The following ANAPC13 variants were observed in gnomAD, a reference collection of about 807,000 sequenced individuals.
ANAPC13 encodes anaphase promoting complex subunit 13, also known as anaphase-promoting complex subunit 13.
A neutral mutation model predicts 9.6 loss-of-function variants in ANAPC13; 9 were observed. The ratio of observed to expected loss-of-function variants is 0.94; its 90% confidence interval spans 0.57 to 1.64. The LOEUF (loss-of-function observed/expected upper bound fraction) is 1.64. ANAPC13 is among the 40% of genes most tolerant of loss of function. ANAPC13 has a pLI of 0.00. For synonymous variants in ANAPC13, 30 were observed against 29.7 expected (o/e 1.01, Z -0.03); for missense variants, 75 against 85.3 (o/e 0.88, Z 0.48).
At chr3:134,479,528 T>C (rs1934689938) in intron 2 of ANAPC13, among the ~76,000 whole-genome samples, 1 of 152,062 alleles carries the variant, frequency 6.6e-6, no homozygotes, top group Non-Finnish European at 1.5e-5. Context: ...TATTTTTTTT[T>C]AGTAGAGATG....
chr3:134,483,471 A>G (rs1461924703), intron 1 of ANAPC13, among the ~76,000 whole-genome samples: 3 of 152,166 alleles, frequency 2.0e-5, no homozygotes, highest in South Asian at 2.1e-4. Context: ...TCATACTGCT[A>G]AAGTTTCTCC....
intron 1 of ANAPC13, 83 bp from the exon 2 acceptor site, chr3:134,483,014 G>A: frequency 1.1e-6 from 1 of 924,212 alleles, no homozygotes; most frequent in Middle Eastern, 2.2e-4. Context: ...AGGCTTTTTA[G>A]TCTGGGGCCA....
At chr3:134,482,256 C>T (rs1934750086) in intron 2 of ANAPC13, among the ~76,000 whole-genome samples, 1 of 152,176 alleles carries the variant, frequency 6.6e-6, no homozygotes, top group Admixed American at 6.5e-5. Context: ...TCACTTATTA[C>T]ATGAGGTTTA....
At chr3:134,484,859 C>T (rs543250300) in intron 1 of ANAPC13, among the ~76,000 whole-genome samples, 12 of 152,306 alleles carry the variant, frequency 7.9e-5, no homozygotes, top group African/African-American at 2.9e-4. Context: ...TATCCTTGAA[C>T]TCTTGCTTCT....
intron 1 of ANAPC13, among the ~76,000 whole-genome samples, chr3:134,483,944 A>T (rs1559830744): frequency 6.6e-6 from 1 of 152,218 alleles, no homozygotes; most frequent in Non-Finnish European, 1.5e-5. Context: ...TCAACTTCAG[A>T]CATCGTCTTG....
At chr3:134,480,626 G>A (rs1467210396) in intron 2 of ANAPC13, among the ~76,000 whole-genome samples, 1 of 152,186 alleles carries the variant, frequency 6.6e-6, no homozygotes, top group African/African-American at 2.4e-5. Flanking sequence ...CCCTGAGATT[G>A]AGAAGTCTGG....
In ANAPC13 at chr3:134,478,360, T is replaced by C. The variant is rs2107698427; in HGVS notation, c.*230A>G. ...AAATGTTTAACCAATCATGTTCAAA[T>C]ATAAGCTACTCAATGAAGAGTTTTA... On this transcript the variant is annotated 3_prime_UTR_variant, in exon 3 of 3. Transcript: ENST00000354910. 2.0e-6 allele frequency: 1 copy of C among 504,850 alleles called. No homozygotes were observed. The highest frequency in any genetic ancestry group is 3.4e-6 in the Non-Finnish European group (1 of 294,022). The allele number at this position is 504,850 out of a possible 1,614,324, so 31.3% of individuals were successfully genotyped here. A position where few individuals can be genotyped will look rare whatever the true frequency, so the allele number is the denominator to read the frequency against.
chr3:134,485,991 G>GGGCCCCCCC, upstream of ANAPC13: 1 of 938,164 alleles, frequency 1.1e-6, no homozygotes, highest in Non-Finnish European at 1.3e-6. Flanking sequence ...CTCCTGCCAC[G>GGGCCCCCCC]CCCCCCCCCC....
rs918838983 is a variant in ANAPC13, at chr3:134,485,935, G to A, written c.-28+17C>T. 4.3e-5 allele frequency: 42 copies of A among 970,422 alleles called. No homozygotes were observed. The highest frequency in any genetic ancestry group is 1.2e-4 in the African/African-American group (7 of 56,876). The allele number at this position is 970,422 out of a possible 1,614,324, so 60.1% of individuals were successfully genotyped here. A position where few individuals can be genotyped will look rare whatever the true frequency, so the allele number is the denominator to read the frequency against. ...CGCGCCTCCAAAACCTAGGCCGGGG[G>A]CGCTGGAAACCCTTACCGGCACCCG... On this transcript the variant is annotated intron_variant, in intron 1 of 2. Coordinates refer to ENST00000354910, the MANE Select transcript of ANAPC13 (RefSeq NM_015391.4).
intron 1 of ANAPC13, among the ~76,000 whole-genome samples, chr3:134,483,657 T>C (rs1934790555): frequency 6.6e-6 from 1 of 152,218 alleles, no homozygotes; most frequent in African/African-American, 2.4e-5. Flanking sequence ...AAAGGCTGGC[T>C]AGCTTGTAGG....
At chr3:134,483,683 CCT>C (rs1168027761) in intron 1 of ANAPC13, among the ~76,000 whole-genome samples, 15 of 152,156 alleles carry the variant, frequency 9.9e-5, no homozygotes, top group African/African-American at 3.6e-4. Context: ...TCTGGATTTC[CCT>C]GTTTCCAAGG....
At chr3:134,482,730 C>T (rs1294568500) in intron 2 of ANAPC13, 76 bp downstream of exon 2, 19 of 1,153,760 alleles carry the variant, frequency 1.6e-5, no homozygotes, top group Non-Finnish European at 2.5e-5. Context: ...AGTTTATCTT[C>T]CATTGATATC....
Position 134,482,845 on chromosome 3 carries a change from T to C in ANAPC13, c.60A>G (p.Arg20=), listed in dbSNP as rs751929775. 1.9e-6 allele frequency: 3 copies of C among 1,614,108 alleles called. No individual in the cohort carries two copies. Among genetic ancestry groups the C allele is most frequent in the Admixed American group, 1.7e-5 (1 of 60,010 alleles). ...RILDLIDDAW[R]EDKLPYEDVA... is the part of the protein sequence containing the mutation. ...CATCCTCATAAGGCAGCTTGTCTTC[T>C]CGCCAAGCATCATCAATCAAATCCA... Residue 20 remains arginine, a synonymous_variant, in exon 2 of 3, where the codon CGA becomes CGG. Coordinates refer to ENST00000354910, the MANE Select transcript of ANAPC13 (RefSeq NM_015391.4).
At chr3:134,484,540 A>AT (rs1441871614) in intron 1 of ANAPC13, among the ~76,000 whole-genome samples, 1 of 152,242 alleles carries the variant, frequency 6.6e-6, no homozygotes, top group East Asian at 1.9e-4. Context: ...AAAGTTAAGC[A>AT]AAATGCGCCC....
At chr3:134,478,866 GAA>G in intron 2 of ANAPC13, 151 bp from the exon 3 acceptor site, 1 of 829,928 alleles carries the variant, frequency 1.2e-6, no homozygotes, top group Non-Finnish European at 1.8e-6. Context: ...TACACGTGAG[GAA>G]ACTATCAGAA....
At chr3:134,480,636 G>T (rs1017147697) in intron 2 of ANAPC13, among the ~76,000 whole-genome samples, 3 of 152,100 alleles carry the variant, frequency 2.0e-5, no homozygotes, top group African/African-American at 7.2e-5. Flanking sequence ...GAGAAGTCTG[G>T]GCTAGCCTGC....
At chr3:134,485,997 CCCCCCT>C, upstream of ANAPC13, 1 of 980,846 alleles carries the variant, frequency 1.0e-6, no homozygotes, top group African/African-American at 1.8e-5. Context: ...CCACGCCCCC[CCCCCCT>C]CCCCCGCATC....
At chr3:134,483,415 TGA>T (rs1009948810) in intron 1 of ANAPC13, among the ~76,000 whole-genome samples, 1 of 152,186 alleles carries the variant, frequency 6.6e-6, no homozygotes, top group Admixed American at 6.5e-5. Context: ...GTACCCAGGC[TGA>T]GATCTGAATA....
At chr3:134,485,096 C>T (rs1490509935) in intron 1 of ANAPC13, among the ~76,000 whole-genome samples, 1 of 152,214 alleles carries the variant, frequency 6.6e-6, no homozygotes, top group African/African-American at 2.4e-5. Context: ...ACTAATGCCA[C>T]TCTTCCTTTC....
Sources: gnomAD v4.1 joint callset for allele counts (sites outside exome capture counted in the v4.1 genomes callset) on GRCh38, gnomAD v4.1.1 for gene constraint, MANE v1.5 for transcripts, NCBI Gene and HGNC (gene_info 2026-07-23, HGNC 2026-07-21) for gene names.